Variants in KIF5A observed in about 807,000 individuals in gnomAD.
The protein encoded by KIF5A is kinesin family member 5A.
Under a neutral mutation model 141.3 loss-of-function variants are expected in KIF5A, and 35 were observed. That is an observed-to-expected ratio of 0.25 (90% confidence interval 0.19 to 0.33). The LOEUF is 0.33. Ranked by LOEUF, KIF5A falls within the 10% of genes least tolerant of loss-of-function variation. The pLI is 1.00. For missense variants in KIF5A, 861 were observed against 1,314.3 expected, an observed-to-expected ratio of 0.66 and a Z score of 5.33; for synonymous variants, 448 against 500.2, an observed-to-expected ratio of 0.90 and a Z score of 1.39.
chr12:57,550,469 C>T lies in KIF5A; in HGVS notation c.129+69C>T. 6 of 1,549,470 alleles carry T rather than the reference C, an allele frequency of 3.9e-6. No homozygotes were observed. The highest frequency in any genetic ancestry group is 5.3e-6 in the Non-Finnish European group (6 of 1,125,678). Reference sequence around the variant, plus strand: ...TGAATCTCCCCGCCCCCCGCAGAGCCTTAGTCTCTGCTGGTCCCTTTGCTC... The same window carrying T: ...TGAATCTCCCCGCCCCCCGCAGAGCTTTAGTCTCTGCTGGTCCCTTTGCTC... On this transcript the variant is annotated intron_variant, in intron 1 of 28. Transcript: ENST00000455537. This position sits in a 1 kb window ranked among gnomAD's most constrained non-coding sequence, Gnocchi z 4.6.
chr12:57,576,200 C>G lies in KIF5A; in HGVS notation c.2088+49C>G, dbSNP rs376620920. On this transcript the variant is annotated intron_variant, in intron 18 of 28. Transcript: ENST00000455537. ...CAATTGGGGCCTGGTGTGGTGAAAG[C>G]TGTGCTGGCCCTCACAGAGCTTGTT... 6.2e-6 allele frequency: 10 copies of G among 1,609,584 alleles called. No homozygotes were observed. In the African/African-American group the frequency reaches 1.3e-4, roughly 22 times the overall value.
chr12:57,582,656 T>C (rs1363789689), intron 27 of KIF5A, 27 bp downstream of exon 27: 1 of 1,587,792 alleles, frequency 6.3e-7, no homozygotes, highest in Non-Finnish European at 8.7e-7. Context: ...TACCCCTGGG[T>C]TCTCTGGGTG....
At chr12:57,577,621 T>C in intron 20 of KIF5A, 92 bp from the exon 21 acceptor site, 1 of 939,168 alleles carries the variant, frequency 1.1e-6, no homozygotes, top group Non-Finnish European at 1.7e-6. Context: ...ATAATAGTAA[T>C]ACTTAAATGG....
chr12:57,562,435 C>T (rs914306479), intron 1 of KIF5A, among the ~76,000 whole-genome samples: 6 of 152,164 alleles, frequency 3.9e-5, no homozygotes, highest in Non-Finnish European at 7.4e-5. Flanking sequence ...AGGCTGGTCT[C>T]GAACTCCTCA....
At position 57,551,993 on chromosome 12, in the gene KIF5A, G is replaced by T. The variant is rs765602813; in HGVS notation, c.129+1593G>T. Among the ~76,000 whole-genome samples, 5 of 151,900 alleles carry T rather than the reference G, an allele frequency of 3.3e-5. No individual in the cohort carries two copies. In the South Asian group the frequency reaches 1.0e-3, roughly 32 times the overall value. ...GCCCTGCAGTCTGTTCAGTCTGGCT[G>T]GGCTAAAAACAAAACAAAACAAAAC... is the stretch of plus-strand genomic sequence containing the variant. On this transcript the variant is annotated intron_variant, in intron 1 of 28. Transcript: ENST00000455537.
At chr12:57,564,371 G>T (rs1311412708) in intron 4 of KIF5A, 89 bp from the exon 5 acceptor site, 1 of 1,130,368 alleles carries the variant, frequency 8.8e-7, no homozygotes, top group Admixed American at 1.7e-5. Context: ...TCCCACCACC[G>T]TTTGAGCAGG....
At position 57,574,541 on chromosome 12, in the gene KIF5A, G is replaced by C. The variant is rs563191318; in HGVS notation, c.1717-543G>C. Among the ~76,000 whole-genome samples the C allele has an allele frequency of 3.2e-4, 47 of 146,734 alleles. No individual in the cohort carries two copies. The East Asian group carries it at 9.6e-3, about 30-fold the overall frequency. ...CCCACCTCGGCCTCCCAAAGTGTTGGGATTACAGGCGTGAGCCACCGAGCC... is the reference window on the plus strand; with the variant it reads ...CCCACCTCGGCCTCCCAAAGTGTTGCGATTACAGGCGTGAGCCACCGAGCC... On this transcript the variant is annotated intron_variant, in intron 15 of 28. Coordinates refer to ENST00000455537, the MANE Select transcript of KIF5A (RefSeq NM_004984.4).
At chr12:57,576,424 C>T (rs904104162) in intron 19 of KIF5A, 46 bp downstream of exon 19, 3 of 1,444,042 alleles carry the variant, frequency 2.1e-6, no homozygotes, top group Non-Finnish European at 2.9e-6. Flanking sequence ...GGTCCTGTCA[C>T]CTTGCTGTAT....
intron 1 of KIF5A, among the ~76,000 whole-genome samples, chr12:57,556,160 A>G (rs1192918881): frequency 6.8e-6 from 1 of 147,368 alleles, no homozygotes; most frequent in East Asian, 2.0e-4. Context: ...TTTTTTTCAG[A>G]CGGAGTCTCG....
At chr12:57,576,526 C>A in intron 19 of KIF5A, 148 bp downstream of exon 19, 1 of 745,388 alleles carries the variant, frequency 1.3e-6, no homozygotes, top group Non-Finnish European at 2.4e-6. Flanking sequence ...CCTCAGGAGA[C>A]ACATGGAATA....
intron 27 of KIF5A, 105 bp downstream of exon 27, chr12:57,582,734 G>C: frequency 1.1e-6 from 1 of 931,036 alleles, no homozygotes; most frequent in Non-Finnish European, 1.8e-6. Context: ...TTGGGGAAGG[G>C]GGAGGGAGTG....
chr12:57,577,548 A>T (rs1479581379), intron 20 of KIF5A, among the ~76,000 whole-genome samples, 165 bp from the exon 21 acceptor site: 1 of 152,146 alleles, frequency 6.6e-6, no homozygotes, highest in African/African-American at 2.4e-5. Context: ...GTGAGCCCTG[A>T]TTGTGCCACT....
rs190136831 is a variant in KIF5A, at chr12:57,572,958, G to A, written c.1716+232G>A. On this transcript the variant is annotated intron_variant, in intron 15 of 28. Transcript: ENST00000455537. This position sits in a 1 kb window ranked among gnomAD's most constrained non-coding sequence, Gnocchi z 4.2. ...TAATCCCAGCACTTTGGGAGGCCGA[G>A]GCAGGCGGATCACTTGAGGTCAGGA... Among the ~76,000 whole-genome samples the A allele has an allele frequency of 6.6e-6, 1 of 152,358 alleles. No homozygotes were observed. The highest frequency in any genetic ancestry group is 1.5e-5 in the Non-Finnish European group (1 of 68,032).
intron 1 of KIF5A, among the ~76,000 whole-genome samples, chr12:57,560,118 C>T (rs1165730382): frequency 1.3e-5 from 2 of 152,182 alleles, no homozygotes; most frequent in African/African-American, 4.8e-5. Context: ...TCTCGAACTC[C>T]TGACCTCAAG....
intron 11 of KIF5A, 132 bp downstream of exon 11, chr12:57,569,815 A>G: frequency 6.9e-7 from 1 of 1,442,526 alleles, no homozygotes; most frequent in Non-Finnish European, 9.4e-7. Context: ...GGACAGGTGC[A>G]GTAGAGCAGT....
At position 57,559,755 on chromosome 12, in the gene KIF5A, A is replaced by G. The variant is rs1487609888; in HGVS notation, c.130-3684A>G. Reference sequence around the variant, plus strand: ...GCTGTTTTGACTTCTAGCACTACAGATAAGTTCTGTCCATTCTTGAACTTC... The same window carrying G: ...GCTGTTTTGACTTCTAGCACTACAGGTAAGTTCTGTCCATTCTTGAACTTC... On this transcript the variant is annotated intron_variant, in intron 1 of 28. Coordinates refer to ENST00000455537, the MANE Select transcript of KIF5A (RefSeq NM_004984.4). Among the ~76,000 whole-genome samples the G allele has an allele frequency of 2.0e-5, 3 of 152,222 alleles. No individual in the cohort carries two copies. In the East Asian group the frequency reaches 5.8e-4, roughly 29 times the overall value.
At chr12:57,574,104 A>G (rs1266654561) in intron 15 of KIF5A, among the ~76,000 whole-genome samples, 4 of 150,802 alleles carry the variant, frequency 2.7e-5, no homozygotes. Flanking sequence ...AAAAAGCAGC[A>G]GCAACAGAGC....
intron 8 of KIF5A, 125 bp downstream of exon 8, chr12:57,567,743 C>T: frequency 4.1e-6 from 4 of 985,984 alleles, no homozygotes; most frequent in Non-Finnish European, 2.9e-6. Flanking sequence ...TCACTGCAAC[C>T]TCCGCCTCCT....
At chr12:57,574,581 ATTTT>A (rs11430710) in intron 15 of KIF5A, among the ~76,000 whole-genome samples, 1 of 100,768 alleles carries the variant, frequency 9.9e-6, no homozygotes, top group Non-Finnish European at 1.9e-5. Context: ...CCAGAATTGG[ATTTT>A]TTTTTTTTTT....
Sources: gnomAD v4.1 joint callset for allele counts (sites outside exome capture counted in the v4.1 genomes callset) on GRCh38, gnomAD v4.1.1 for gene constraint, Gnocchi (gnomAD v3.1) non-coding constraint, MANE v1.5 for transcripts, NCBI Gene and HGNC (gene_info 2026-07-23, HGNC 2026-07-21) for gene names.